NUP88: variants seen among roughly 807,000 people sequenced by gnomAD.
The protein encoded by NUP88 is nuclear pore complex protein Nup88.
NUP88 carries 57 observed loss-of-function variants against 93.9 expected under a neutral mutation model. That is an observed-to-expected ratio of 0.61 (90% CI 0.49 to 0.76). The LOEUF (loss-of-function observed/expected upper bound fraction) is 0.76, where lower values mean the gene tolerates loss of function less well. Ranked by LOEUF, NUP88 falls within the 30% of genes least tolerant of loss-of-function variation. The probability of loss-of-function intolerance (pLI) is 0.00; values close to 1 mark genes in which losing one functional copy is unlikely to be tolerated. For synonymous variants in NUP88, 346 were observed against 336.8 expected (o/e 1.03, Z -0.30); for missense variants, 911 against 901.0 (o/e 1.01, Z -0.14).
intron 4 of NUP88, 142 bp from the exon 5 acceptor site, chr17:5,409,051 C>T: frequency 1.5e-6 from 1 of 646,012 alleles, no homozygotes; most frequent in Non-Finnish European, 2.5e-6. Flanking sequence ...ACTGAAAAGA[C>T]AAAAAATGAT....
At chr17:5,406,904 C>A (rs766989022) in intron 5 of NUP88, among the ~76,000 whole-genome samples, 1 of 152,070 alleles carries the variant, frequency 6.6e-6, no homozygotes, top group Non-Finnish European at 1.5e-5. Context: ...TGTATACTTT[C>A]GAAAAATTTA....
chr17:5,413,131 T>G lies in NUP88; in HGVS notation c.593+878A>C, dbSNP rs902237681. 1.1e-4 allele frequency among the ~76,000 whole-genome samples: 16 copies of G among 152,262 alleles called. No homozygotes were observed. The South Asian group carries it at 1.2e-3, about 12-fold the overall frequency. ...TAGCTGGGACTACCGGCACATGCCA[T>G]TATGCCCAGCTAATTTTTTTTGCAG... On this transcript the variant is annotated intron_variant, in intron 3 of 16. Transcript: ENST00000573584.
At chr17:5,416,237 G>A (rs951234292) in intron 2 of NUP88, among the ~76,000 whole-genome samples, 1 of 148,834 alleles carries the variant, frequency 6.7e-6, no homozygotes, top group African/African-American at 2.5e-5. Flanking sequence ...GCAAACTTCT[G>A]GCTGACAGAT....
At chr17:5,395,075 T>C in intron 8 of NUP88, 94 bp from the exon 9 acceptor site, 1 of 799,250 alleles carries the variant, frequency 1.3e-6, no homozygotes, top group Non-Finnish European at 2.1e-6. Flanking sequence ...GTGAGGTTCT[T>C]GTCTGAAAAC....
chr17:5,415,646 T>C (rs996193135), intron 2 of NUP88, among the ~76,000 whole-genome samples: 10 of 152,222 alleles, frequency 6.6e-5, no homozygotes, highest in African/African-American at 2.4e-4. Flanking sequence ...TTACGACTTA[T>C]GATGGGGTTA....
In NUP88 at chr17:5,405,263, A is replaced by G. The variant is rs748995319; in HGVS notation, c.858-20T>C. On this transcript the variant is annotated intron_variant, in intron 5 of 16. Transcript: ENST00000573584. ...CCAGGGCTAAAGAAGGAGTAAAAAC[A>G]TATTTGGGAAATGTTGACAGTATGC... The G allele has an allele frequency of 1.1e-5, 18 of 1,603,528 alleles. No homozygotes were observed. Among genetic ancestry groups the G allele is most frequent in the Non-Finnish European group, 1.4e-5 (16 of 1,174,020 alleles).
At chr17:5,412,974 T>C (rs1913927663) in intron 3 of NUP88, among the ~76,000 whole-genome samples, 1 of 152,138 alleles carries the variant, frequency 6.6e-6, no homozygotes, top group Non-Finnish European at 1.5e-5. Context: ...AAAACACAGG[T>C]CTGACCTACA....
At chr17:5,416,429 T>C (rs1314516126) in intron 2 of NUP88, 84 bp downstream of exon 2, 10 of 941,820 alleles carry the variant, frequency 1.1e-5, no homozygotes, top group East Asian at 2.7e-5. Context: ...AAGAGTAGTA[T>C]ACTAAACATG....
chr17:5,410,892 A>G (rs1018895247), intron 3 of NUP88, 103 bp from the exon 4 acceptor site: 22 of 720,136 alleles, frequency 3.1e-5, no homozygotes, highest in African/African-American at 5.3e-5. Flanking sequence ...ATTTTCTAAC[A>G]CTTATCACAA....
intron 16 of NUP88, 108 bp from the exon 17 acceptor site, chr17:5,386,377 A>AAATT: frequency 1.1e-6 from 1 of 873,628 alleles, no homozygotes; most frequent in South Asian, 1.6e-5. Context: ...TGCTTTGCTA[A>AAATT]AATTAACAGC....
In NUP88 at chr17:5,390,181, A is replaced by AAT. The variant is rs1555528177; in HGVS notation, c.1485-1222_1485-1221insAT. Among the ~76,000 whole-genome samples, 259 of 147,806 alleles carry AAT rather than the reference A, an allele frequency of 1.8e-3. 3 individuals carry two copies. The highest frequency in any genetic ancestry group is 6.0e-3 in the East Asian group (30 of 4,988). On this transcript the variant is annotated intron_variant, in intron 10 of 16. Transcript: ENST00000573584. ...TCCGTCTCAAAAAAAAAAAAAAAAA[A>AAT]TATCCAGACAATTAATGTTTATTTT...
chr17:5,386,903 T>C, intron 15 of NUP88, 77 bp from the exon 16 acceptor site: 1 of 1,592,118 alleles, frequency 6.3e-7, no homozygotes, highest in Admixed American at 1.7e-5. Context: ...ATCTGTTCTT[T>C]TTACATTTTT....
chr17:5,396,303 T>A (rs1912771995), intron 8 of NUP88, among the ~76,000 whole-genome samples: 1 of 152,218 alleles, frequency 6.6e-6, no homozygotes, highest in Non-Finnish European at 1.5e-5. Context: ...ACTCCTCAGT[T>A]TCTACCAAAC....
At position 5,408,812 on chromosome 17, in the gene NUP88, C is replaced by A; in HGVS notation, c.778G>T (p.Asp260Tyr). The part of the protein sequence containing the change: ...PKTLFGQNGK[D>Y]EVVAYPLYIL... ...TACAGTGGGTATGCCACTACTTCATCTTTGCCGTTTTGTCCAAATAGAGTC... is the reference window on the plus strand; with the variant it reads ...TACAGTGGGTATGCCACTACTTCATATTTGCCGTTTTGTCCAAATAGAGTC... Residue 260 changes from aspartate to tyrosine, a missense_variant, in exon 5 of 17, where the codon GAT becomes TAT. Coordinates refer to ENST00000573584, the MANE Select transcript of NUP88 (RefSeq NM_002532.6). The A allele has an allele frequency of 6.2e-7, 1 of 1,614,090 alleles. No individual in the cohort carries two copies. The highest frequency in any genetic ancestry group is 8.5e-7 in the Non-Finnish European group (1 of 1,179,984).
rs751078843 is a variant in NUP88, at chr17:5,419,547, C to A, written c.104G>T (p.Ser35Ile). The A allele has an allele frequency of 2.5e-6, 4 of 1,613,328 alleles. No individual in the cohort carries two copies. Among genetic ancestry groups the A allele is most frequent in the African/African-American group, 1.3e-5 (1 of 74,948 alleles). ...AGCTGGTTTCTCAGCTTCGGTTGGA[C>A]TCTGGTTTTTCAGTCCCTCCCGGAG... ...LRLREGLKNQ[S>I]PTEAEKPASS... Residue 35 changes from serine (S) to isoleucine (I), a missense_variant, in exon 1 of 17, where the codon AGT becomes ATT. Ser to Ile is a moderately radical substitution (Grantham distance 142, BLOSUM62 -2). Transcript: ENST00000573584.
Position 5,416,188 on chromosome 17 carries a change from T to TAC in NUP88, c.467+323_467+324dup, listed in dbSNP as rs149950508. Among the ~76,000 whole-genome samples, 349 of 126,194 alleles carry TAC rather than the reference T, an allele frequency of 2.8e-3. 2 individuals carry two copies. Among genetic ancestry groups the TAC allele is most frequent in the African/African-American group, 4.8e-3 (161 of 33,550 alleles). The allele number at this position is 126,194 out of a possible 152,430, so 82.8% of individuals were successfully genotyped here. ...AAAAGTATATATATATATACACACATACACACACACACACACACATAAAAT... is the reference window on the plus strand; with the variant it reads ...AAAAGTATATATATATATACACACATACACACACACACACACACACATAAAAT... On this transcript the variant is annotated intron_variant, in intron 2 of 16. Coordinates refer to ENST00000573584, the MANE Select transcript of NUP88 (RefSeq NM_002532.6).
chr17:5,401,042 TATAA>T (rs1314216053), intron 7 of NUP88, among the ~76,000 whole-genome samples: 7 of 152,252 alleles, frequency 4.6e-5, no homozygotes, highest in Admixed American at 1.3e-4. Context: ...TATTATTATG[TATAA>T]ATATTTATCT....
intron 1 of NUP88, chr17:5,418,003 G>C (rs1450041395): frequency 6.6e-6 from 1 of 151,794 alleles, no homozygotes; most frequent in East Asian, 2.0e-4. Flanking sequence ...AGTCGGGCGT[G>C]GTGGCAGATA....
chr17:5,400,370 C>T (rs1913079279), intron 7 of NUP88, among the ~76,000 whole-genome samples: 2 of 151,826 alleles, frequency 1.3e-5, no homozygotes. Flanking sequence ...GTGGCATGCA[C>T]CTGTGATCCC....
Sources: allele counts gnomAD v4.1 joint callset (sites outside exome capture counted in the v4.1 genomes callset), GRCh38; gene constraint gnomAD v4.1.1; transcripts MANE v1.5; gene names NCBI Gene and HGNC (gene_info 2026-07-23, HGNC 2026-07-21).